SRGAP1: variants seen among roughly 807,000 people sequenced by gnomAD.
SRGAP1 encodes SLIT-ROBO Rho GTPase-activating protein 1.
Under a neutral mutation model 121.9 loss-of-function variants are expected in SRGAP1, and 43 were observed. The ratio of observed to expected loss-of-function variants is 0.35; its 90% confidence interval spans 0.28 to 0.46. The LOEUF (loss-of-function observed/expected upper bound fraction) is 0.46, where lower values mean the gene tolerates loss of function less well. Ranked by LOEUF, SRGAP1 falls within the 20% of genes least tolerant of loss-of-function variation. SRGAP1 has a pLI of 1.00. For synonymous variants in SRGAP1, 447 were observed against 485.4 expected (o/e 0.92, Z 1.04); for missense variants, 1,102 against 1,350.9 (o/e 0.82, Z 2.89).
chr12:63,960,576 C>G (rs2032608957), intron 1 of SRGAP1, among the ~76,000 whole-genome samples: 1 of 152,118 alleles, frequency 6.6e-6, no homozygotes, highest in African/African-American at 2.4e-5. Context: ...CTGTGGTAGG[C>G]TGAATAATGG....
chr12:64,000,075 A>G (rs2042018410), intron 3 of SRGAP1, among the ~76,000 whole-genome samples: 1 of 152,088 alleles, frequency 6.6e-6, no homozygotes, highest in Admixed American at 6.6e-5. Flanking sequence ...TGAGCAGCAA[A>G]GGGTCATTGG....
chr12:64,072,161 G>A (rs913746369), intron 8 of SRGAP1, among the ~76,000 whole-genome samples: 1 of 108,128 alleles, frequency 9.2e-6, no homozygotes, highest in African/African-American at 3.1e-5. Flanking sequence ...CGGCGGGGGG[G>A]GGCTCTTTCT....
intron 4 of SRGAP1, among the ~76,000 whole-genome samples, chr12:64,028,421 G>A (rs1425411866): frequency 3.3e-5 from 5 of 152,190 alleles, no homozygotes; most frequent in Admixed American, 2.6e-4. Context: ...TCGGCTCCCC[G>A]GCCTCTCAGG....
chr12:64,112,341 T>C (rs1214724628), intron 17 of SRGAP1, among the ~76,000 whole-genome samples: 1 of 152,218 alleles, frequency 6.6e-6, no homozygotes, highest in Non-Finnish European at 1.5e-5. Context: ...GGTTTTGGTT[T>C]CATATAAAGT....
Position 63,880,206 on chromosome 12 carries a change from G to A in SRGAP1, c.67+35323G>A, listed in dbSNP as rs186973157. ...CCGCCATGATTGTGAAGCCTCCCCA[G>A]CCATGTAGAACTGTGAGTCCGTTAA... On this transcript the variant is annotated intron_variant, in intron 1 of 21. Coordinates refer to ENST00000355086, the MANE Select transcript of SRGAP1 (RefSeq NM_020762.4). Among the ~76,000 whole-genome samples the A allele has an allele frequency of 2.0e-4, 31 of 152,170 alleles. No individual in the cohort carries two copies. In the East Asian group the frequency reaches 6.0e-3, roughly 30 times the overall value.
chr12:63,952,743 C>T (rs988395838), intron 1 of SRGAP1, among the ~76,000 whole-genome samples: 1 of 152,068 alleles, frequency 6.6e-6, no homozygotes, highest in African/African-American at 2.4e-5. Context: ...AGTGGAGGTG[C>T]TGAATAAACC....
intron 1 of SRGAP1, among the ~76,000 whole-genome samples, chr12:63,898,321 G>A (rs1900821028): frequency 6.6e-6 from 1 of 152,216 alleles, no homozygotes; most frequent in African/African-American, 2.4e-5. Context: ...AGTACAGTCA[G>A]CTCAGGACAT....
intron 3 of SRGAP1, among the ~76,000 whole-genome samples, chr12:64,007,685 G>A (rs924822583): frequency 2.0e-5 from 3 of 152,144 alleles, no homozygotes; most frequent in Non-Finnish European, 2.9e-5. Flanking sequence ...ACTCTATAAG[G>A]CTACAGGAGT....
At chr12:63,985,042 C>T (rs1265104008) in intron 2 of SRGAP1, among the ~76,000 whole-genome samples, 1 of 148,396 alleles carries the variant, frequency 6.7e-6, no homozygotes, top group Non-Finnish European at 1.5e-5. Flanking sequence ...GGCCTCAGGA[C>T]AGAGAAAGAC....
At chr12:63,955,361 G>T (rs1825365215) in intron 1 of SRGAP1, among the ~76,000 whole-genome samples, 1 of 152,154 alleles carries the variant, frequency 6.6e-6, no homozygotes, top group African/African-American at 2.4e-5. Context: ...TATATTTATG[G>T]TGTACAACAT....
intron 16 of SRGAP1, among the ~76,000 whole-genome samples, chr12:64,110,710 C>A (rs1005381772): frequency 6.6e-6 from 1 of 152,096 alleles, no homozygotes; most frequent in East Asian, 1.9e-4. Flanking sequence ...GTAATATGAT[C>A]ATTTACTGTT....
At position 64,147,912 on chromosome 12, in the gene SRGAP1, C is replaced by T. The variant is rs2037078572; in HGVS notation, c.*5240C>T. 2.6e-6 allele frequency: 1 copy of T among 378,018 alleles called. No individual in the cohort carries two copies. The highest frequency in any genetic ancestry group is 2.1e-5 in the African/African-American group (1 of 48,212). The allele number at this position is 378,018 out of a possible 1,614,324, so 23.4% of individuals were successfully genotyped here. On this transcript the variant is annotated 3_prime_UTR_variant, in exon 22 of 22. Transcript: ENST00000355086. ...TCCTTTCATTCATCACTACTTTCTC[C>T]TTGACAGCTAGCTTGCATTAAATAA... is the stretch of plus-strand genomic sequence containing the variant.
intron 8 of SRGAP1, among the ~76,000 whole-genome samples, chr12:64,078,324 A>G (rs1050332437): frequency 1.3e-5 from 2 of 152,266 alleles, no homozygotes; most frequent in Admixed American, 6.5e-5. Flanking sequence ...TACAATGAAT[A>G]GCAGTGAAAT....
intron 1 of SRGAP1, among the ~76,000 whole-genome samples, chr12:63,958,761 A>AAATC (rs2032549737): frequency 6.6e-6 from 1 of 152,206 alleles, no homozygotes; most frequent in Admixed American, 6.5e-5. Context: ...TAAGTCCTAA[A>AAATC]AATCATACAC....
intron 1 of SRGAP1, among the ~76,000 whole-genome samples, chr12:63,890,961 G>A (rs183825620): frequency 3.9e-4 from 60 of 152,356 alleles, no homozygotes; most frequent in African/African-American, 1.4e-3. Flanking sequence ...TCTAAAGGAA[G>A]CTCTGTGCTT....
intron 1 of SRGAP1, among the ~76,000 whole-genome samples, chr12:63,953,141 T>C (rs2032349722): frequency 6.6e-6 from 1 of 152,184 alleles, no homozygotes; most frequent in Non-Finnish European, 1.5e-5. Context: ...TTGTACCGTT[T>C]CCATTATACC....
intron 8 of SRGAP1, among the ~76,000 whole-genome samples, chr12:64,073,593 T>G (rs1326360577): frequency 3.9e-5 from 6 of 152,248 alleles, no homozygotes; most frequent in Admixed American, 3.9e-4. Context: ...CACATTTTCC[T>G]ATACTTTAAA....
intron 8 of SRGAP1, among the ~76,000 whole-genome samples, chr12:64,066,271 G>C (rs190709265): frequency 6.6e-6 from 1 of 152,160 alleles, no homozygotes; most frequent in African/African-American, 2.4e-5. Flanking sequence ...CTCCATCCTA[G>C]CATTCTTGTC....
intron 1 of SRGAP1, among the ~76,000 whole-genome samples, chr12:63,883,007 A>G (rs575214120): frequency 5.6e-4 from 85 of 152,340 alleles, no homozygotes; most frequent in African/African-American, 2.0e-3. Context: ...AGCTCAGGGC[A>G]GGGGCAGATC....
Sources: gnomAD v4.1 joint callset for allele counts (sites outside exome capture counted in the v4.1 genomes callset) on GRCh38, gnomAD v4.1.1 for gene constraint, MANE v1.5 for transcripts, NCBI Gene and HGNC (gene_info 2026-07-23, HGNC 2026-07-21) for gene names.